Variants in ADAM10 observed in about 807,000 individuals in gnomAD.
ADAM10 encodes the protein disintegrin and metalloproteinase domain-containing protein 10.
In ADAM10, 17 loss-of-function variants were observed where a neutral mutation model predicts 90.1. That is an observed-to-expected ratio of 0.19 (90% CI 0.13 to 0.28). The LOEUF (loss-of-function observed/expected upper bound fraction) is 0.28, where lower values mean the gene tolerates loss of function less well. Ranked by LOEUF, ADAM10 falls within the 10% of genes least tolerant of loss-of-function variation. The pLI is 1.00. For synonymous variants in ADAM10, 310 were observed against 298.6 expected (o/e 1.04, Z -0.40); for missense variants, 610 against 914.3 (o/e 0.67, Z 4.29).
At chr15:58,662,532 G>C (rs1421846417) in intron 5 of ADAM10, among the ~76,000 whole-genome samples, 1 of 152,100 alleles carries the variant, frequency 6.6e-6, no homozygotes, top group African/African-American at 2.4e-5. Context: ...CTATTATGGA[G>C]ATGAGATCTG....
At chr15:58,604,763 TA>T (rs1895221457) in intron 14 of ADAM10, among the ~76,000 whole-genome samples, 1 of 152,184 alleles carries the variant, frequency 6.6e-6, no homozygotes, top group African/African-American at 2.4e-5. Flanking sequence ...TTTTCTCTTT[TA>T]AGAGACAGGA....
intron 5 of ADAM10, among the ~76,000 whole-genome samples, chr15:58,655,882 G>A (rs1383085992): frequency 6.7e-6 from 1 of 149,274 alleles, no homozygotes; most frequent in Non-Finnish European, 1.5e-5. Flanking sequence ...GAGTAGCTGG[G>A]ATTACAGATG....
intron 5 of ADAM10, among the ~76,000 whole-genome samples, chr15:58,659,423 G>A (rs565466193): frequency 1.1e-4 from 16 of 152,186 alleles, no homozygotes; most frequent in Non-Finnish European, 2.1e-4. Flanking sequence ...GCCATGTGTT[G>A]AGTGCTGAAA....
rs553046548 is a variant in ADAM10 at position 58,648,051 on chromosome 15, A to T, written c.586-1847T>A. Among the ~76,000 whole-genome samples, 4 of 152,304 alleles carry T rather than the reference A, an allele frequency of 2.6e-5. No individual in the cohort carries two copies. In the East Asian group the frequency reaches 7.7e-4, roughly 29 times the overall value. On this transcript the variant is annotated intron_variant, in intron 5 of 15. Transcript: ENST00000260408. Reference sequence around the variant, plus strand: ...CATGTGAACATACACAAAATGAAAAATTTGTATTATATGCCAAACACACAA... The same window carrying T: ...CATGTGAACATACACAAAATGAAAATTTTGTATTATATGCCAAACACACAA...
At chr15:58,726,777 A>G (rs1899045337) in intron 1 of ADAM10, among the ~76,000 whole-genome samples, 1 of 151,354 alleles carries the variant, frequency 6.6e-6, no homozygotes, top group Non-Finnish European at 1.5e-5. Context: ...AGGTGGGAGG[A>G]CTGCTTGAGC....
At chr15:58,621,680 A>T in intron 10 of ADAM10, 59 bp from the exon 11 acceptor site, 1 of 1,594,116 alleles carries the variant, frequency 6.3e-7, no homozygotes. Flanking sequence ...TTTATTTAAA[A>T]TTCACAAATT....
At chr15:58,720,592 G>A (rs1029204021) in intron 1 of ADAM10, among the ~76,000 whole-genome samples, 7 of 149,720 alleles carry the variant, frequency 4.7e-5, no homozygotes, top group African/African-American at 9.9e-5. Flanking sequence ...TAGTAGAGAC[G>A]GGGTTTCACC....
intron 3 of ADAM10, among the ~76,000 whole-genome samples, chr15:58,681,694 T>A (rs1001361694): frequency 2.0e-5 from 3 of 152,190 alleles, no homozygotes; most frequent in Non-Finnish European, 4.4e-5. Flanking sequence ...CCCCCCAACA[T>A]GCATTTTCAA....
At chr15:58,669,777 GACT>G (rs1249248525) in intron 4 of ADAM10, among the ~76,000 whole-genome samples, 5 of 152,070 alleles carry the variant, frequency 3.3e-5, no homozygotes, top group Non-Finnish European at 5.9e-5. Flanking sequence ...CCACACAACA[GACT>G]ACTATTTATC....
At chr15:58,641,238 C>G (rs1208734311) in intron 7 of ADAM10, among the ~76,000 whole-genome samples, 2 of 152,172 alleles carry the variant, frequency 1.3e-5, no homozygotes, top group Admixed American at 1.3e-4. Flanking sequence ...GAACACTGAA[C>G]ACTTGGGAAG....
chr15:58,610,707 A>C (rs1299601470), intron 13 of ADAM10, 190 bp from the exon 14 acceptor site: 14 of 679,938 alleles, frequency 2.1e-5, no homozygotes, highest in Non-Finnish European at 3.6e-5. Flanking sequence ...AATGTAAACA[A>C]GCAACCAGCA....
intron 1 of ADAM10, among the ~76,000 whole-genome samples, chr15:58,744,441 AAAG>A (rs1306279328): frequency 1.3e-5 from 2 of 152,228 alleles, no homozygotes; most frequent in Non-Finnish European, 2.9e-5. Context: ...ACAAGAAAGC[AAAG>A]AAACCTAACC....
At chr15:58,705,390 T>C (rs927072303) in intron 2 of ADAM10, among the ~76,000 whole-genome samples, 7 of 152,280 alleles carry the variant, frequency 4.6e-5, no homozygotes, top group South Asian at 2.1e-4. Flanking sequence ...TTTTTTGGCA[T>C]TGGCTAAGTA....
intron 4 of ADAM10, among the ~76,000 whole-genome samples, chr15:58,674,824 G>C (rs1596055455): frequency 6.8e-6 from 1 of 147,688 alleles, no homozygotes; most frequent in Admixed American, 6.6e-5. Flanking sequence ...TGAAGCACAA[G>C]AGAAAGAAGA....
intron 2 of ADAM10, among the ~76,000 whole-genome samples, chr15:58,697,729 C>T (rs1480030410): frequency 1.3e-5 from 2 of 152,158 alleles, no homozygotes. Flanking sequence ...CCTACCAACA[C>T]CCAAGTAAGC....
At chr15:58,691,709 A>C (rs1313698547) in intron 2 of ADAM10, 2 of 319,746 alleles carry the variant, frequency 6.3e-6, no homozygotes, top group African/African-American at 6.0e-5. Flanking sequence ...TTTGAGACAG[A>C]GCCTTCTTCT....
intron 4 of ADAM10, among the ~76,000 whole-genome samples, chr15:58,667,312 T>C (rs1439306866): frequency 1.3e-5 from 2 of 152,188 alleles, no homozygotes; most frequent in African/African-American, 4.8e-5. Flanking sequence ...GAAATAGCTC[T>C]AGTTAACTCT....
intron 2 of ADAM10, among the ~76,000 whole-genome samples, chr15:58,705,646 TTA>T (rs1196458243): frequency 5.3e-5 from 8 of 152,174 alleles, no homozygotes; most frequent in Admixed American, 5.2e-4. Context: ...ACAAAATAAA[TTA>T]TGTTAGGATG....
intron 9 of ADAM10, among the ~76,000 whole-genome samples, chr15:58,631,463 A>C (rs890721011): frequency 6.6e-6 from 1 of 152,202 alleles, no homozygotes; most frequent in African/African-American, 2.4e-5. Context: ...AGAAGTGAAA[A>C]GAGAATGGTC....
Sources: gnomAD v4.1 joint callset for allele counts (sites outside exome capture counted in the v4.1 genomes callset) on GRCh38, gnomAD v4.1.1 for gene constraint, MANE v1.5 for transcripts, NCBI Gene and HGNC (gene_info 2026-07-23, HGNC 2026-07-21) for gene names.